GRM8: variants seen among roughly 807,000 people sequenced by gnomAD.
GRM8 encodes glutamate metabotropic receptor 8.
A neutral mutation model predicts 87.2 loss-of-function variants in GRM8; 47 were observed. The ratio of observed to expected loss-of-function variants is 0.54; its 90% confidence interval spans 0.43 to 0.69. The LOEUF (loss-of-function observed/expected upper bound fraction) is 0.69, where lower values mean the gene tolerates loss of function less well. Ranked by LOEUF, GRM8 falls within the 30% of genes least tolerant of loss-of-function variation. The pLI is 0.00. For synonymous variants in GRM8, 396 were observed against 404.5 expected, an observed-to-expected ratio of 0.98 and a Z score of 0.25; for missense variants, 1,019 against 1,139.2, an observed-to-expected ratio of 0.89 and a Z score of 1.52.
At chr7:126,796,649 G>A (rs1821982611) in intron 6 of GRM8, among the ~76,000 whole-genome samples, 1 of 152,024 alleles carries the variant, frequency 6.6e-6, no homozygotes, top group Non-Finnish European at 1.5e-5. Context: ...CTCATTTGAG[G>A]TTCACAGTGT....
chr7:127,088,093 A>T (rs934930059), intron 3 of GRM8, among the ~76,000 whole-genome samples: 1 of 152,188 alleles, frequency 6.6e-6, no homozygotes, highest in Non-Finnish European at 1.5e-5. Flanking sequence ...CAAAATGTCT[A>T]TTTCTCTCCT....
intron 7 of GRM8, among the ~76,000 whole-genome samples, chr7:126,645,463 G>A (rs935334123): frequency 1.3e-5 from 2 of 152,042 alleles, no homozygotes; most frequent in Non-Finnish European, 2.9e-5. Context: ...CCAATCAACA[G>A]CATCAATTCC....
intron 7 of GRM8, among the ~76,000 whole-genome samples, chr7:126,705,416 G>A (rs1484002886): frequency 6.6e-6 from 1 of 152,050 alleles, no homozygotes; most frequent in Non-Finnish European, 1.5e-5. Context: ...GCCATACATT[G>A]AAAAGTAGCT....
At chr7:126,542,097 A>C (rs993501557) in intron 8 of GRM8, among the ~76,000 whole-genome samples, 1 of 152,214 alleles carries the variant, frequency 6.6e-6, no homozygotes, top group Admixed American at 6.5e-5. Flanking sequence ...TCAAGGAGAG[A>C]GGCCTCAGAG....
intron 2 of GRM8, among the ~76,000 whole-genome samples, chr7:127,173,647 G>T (rs927809149): frequency 2.0e-5 from 3 of 152,150 alleles, no homozygotes; most frequent in African/African-American, 7.2e-5. Flanking sequence ...TAGTATAAGT[G>T]GGTTGACTAC....
intron 4 of GRM8, 70 bp from the exon 5 acceptor site, chr7:126,904,196 C>G (rs2131230128): frequency 2.3e-6 from 3 of 1,310,306 alleles, no homozygotes; most frequent in Non-Finnish European, 3.3e-6. Context: ...TATTACAAGA[C>G]CAGATTTAGG....
intron 2 of GRM8, among the ~76,000 whole-genome samples, chr7:127,203,826 A>C (rs957825572): frequency 6.6e-6 from 1 of 152,066 alleles, no homozygotes; most frequent in South Asian, 2.1e-4. Flanking sequence ...CTTTGCATGC[A>C]TTGGTTTACC....
chr7:126,678,871 T>C (rs760792704), intron 7 of GRM8, among the ~76,000 whole-genome samples: 44 of 152,196 alleles, frequency 2.9e-4, no homozygotes, highest in Non-Finnish European at 5.1e-4. Flanking sequence ...ATGATAAAAA[T>C]ATTGTAACTG....
intron 6 of GRM8, among the ~76,000 whole-genome samples, chr7:126,839,931 T>G (rs1796123286): frequency 6.6e-6 from 1 of 152,208 alleles, no homozygotes; most frequent in Admixed American, 6.5e-5. Flanking sequence ...CTTCAAGTTC[T>G]TACATCAATC....
chr7:127,009,435 T>C (rs1814652730), intron 3 of GRM8, among the ~76,000 whole-genome samples: 1 of 152,126 alleles, frequency 6.6e-6, no homozygotes, highest in African/African-American at 2.4e-5. Flanking sequence ...ATGTGGGCAC[T>C]TCCTAGAATG....
At chr7:127,084,301 T>G (rs890803112) in intron 3 of GRM8, 2 of 152,198 alleles carry the variant, frequency 1.3e-5, no homozygotes, top group Non-Finnish European at 2.9e-5. Flanking sequence ...TCCTTCAAGA[T>G]ATTTGCAAAC....
intron 3 of GRM8, among the ~76,000 whole-genome samples, chr7:127,048,089 G>A (rs1819117008): frequency 6.6e-6 from 1 of 151,966 alleles, no homozygotes; most frequent in Admixed American, 6.6e-5. Context: ...CTAATTGAGG[G>A]AAATGAACAA....
intron 3 of GRM8, among the ~76,000 whole-genome samples, chr7:126,946,897 C>T (rs1021441698): frequency 3.9e-5 from 6 of 152,134 alleles, no homozygotes; most frequent in Non-Finnish European, 2.9e-5. Flanking sequence ...TGATTCATAC[C>T]TAGACACAAT....
intron 2 of GRM8, among the ~76,000 whole-genome samples, chr7:127,147,510 A>T (rs996689326): frequency 6.6e-6 from 1 of 151,602 alleles, no homozygotes; most frequent in African/African-American, 2.4e-5. Flanking sequence ...CTTTGGGCAA[A>T]TTCCCTCCTA....
chr7:127,195,660 C>T (rs574177753), intron 2 of GRM8, among the ~76,000 whole-genome samples: 5 of 152,248 alleles, frequency 3.3e-5, no homozygotes, highest in African/African-American at 1.2e-4. Flanking sequence ...AGGAACACTT[C>T]CTACTCTTCC....
intron 7 of GRM8, among the ~76,000 whole-genome samples, chr7:126,639,712 A>G (rs145581636): frequency 3.2e-3 from 491 of 152,344 alleles, no homozygotes; most frequent in Non-Finnish European, 5.0e-3. Flanking sequence ...AATAGGGGAC[A>G]ACAATATTGG....
chr7:126,699,845 T>A (rs112674966), intron 7 of GRM8, among the ~76,000 whole-genome samples: 2 of 152,198 alleles, frequency 1.3e-5, no homozygotes, highest in Non-Finnish European at 2.9e-5. Context: ...AATGCACATT[T>A]TTTGGGACAA....
At chr7:127,108,199 A>C (rs1281653760) in intron 2 of GRM8, among the ~76,000 whole-genome samples, 7 of 152,182 alleles carry the variant, frequency 4.6e-5, no homozygotes, top group African/African-American at 1.7e-4. Context: ...TGCATAGTAC[A>C]TGACTACTCG....
intron 3 of GRM8, among the ~76,000 whole-genome samples, chr7:127,076,937 A>G (rs371402631): frequency 6.6e-5 from 10 of 152,208 alleles, no homozygotes; most frequent in East Asian, 3.8e-4. Context: ...TGAGGAAGAA[A>G]CTAAAGTCCA....
Sources: gnomAD v4.1 joint callset for allele counts (sites outside exome capture counted in the v4.1 genomes callset) on GRCh38, gnomAD v4.1.1 for gene constraint, MANE v1.5 for transcripts, NCBI Gene and HGNC (gene_info 2026-07-23, HGNC 2026-07-21) for gene names.